Variants in ZNF717 observed in about 807,000 individuals in gnomAD.
ZNF717 encodes the protein krueppel-like factor X17.
In ZNF717, 9 loss-of-function variants were observed where a neutral mutation model predicts 13.8. The observed-to-expected ratio is 0.65, with a 90% CI of 0.39 to 1.14. The LOEUF (loss-of-function observed/expected upper bound fraction) is 1.14, where lower values mean the gene tolerates loss of function less well. ZNF717 is among the 50% of genes most tolerant of loss of function. The pLI, the probability that ZNF717 is intolerant of heterozygous loss-of-function variation, is 0.01. For missense variants in ZNF717, 1,040 were observed against 1,080.7 expected (o/e 0.96, Z 0.53); for synonymous variants, 327 against 364.1 (o/e 0.90, Z 1.16).
At chr3:75,768,304 C>CGGA (rs1943638963) in intron 2 of ZNF717, among the ~76,000 whole-genome samples, 1 of 58,700 alleles carries the variant, frequency 1.7e-5, no homozygotes, top group African/African-American at 5.8e-5. Context: ...CTGAGTGTGT[C>CGGA]GGGGGGCAGA....
chr3:75,776,440 T>C (rs2107690209), intron 2 of ZNF717, among the ~76,000 whole-genome samples: 1 of 152,368 alleles, frequency 6.6e-6, no homozygotes, highest in Middle Eastern at 3.4e-3. Context: ...TAAAAGCTCT[T>C]CCATGCAAGA....
At chr3:75,741,903 C>T in intron 2 of ZNF717, 167 bp from the exon 3 acceptor site, 3 of 818,630 alleles carry the variant, frequency 3.7e-6, no homozygotes, top group Non-Finnish European at 5.7e-6. Context: ...AAAGCATCAG[C>T]CCAAAGATTC....
intron 2 of ZNF717, among the ~76,000 whole-genome samples, chr3:75,745,666 C>T (rs77308221): frequency 6.6e-6 from 1 of 152,022 alleles, no homozygotes; most frequent in Non-Finnish European, 1.5e-5. Context: ...TACTTTGTAA[C>T]TCTATGAGAT....
intron 2 of ZNF717, among the ~76,000 whole-genome samples, chr3:75,777,332 TAAAACCAG>T (rs1262446080): frequency 2.1e-5 from 2 of 95,696 alleles, no homozygotes; most frequent in African/African-American, 4.4e-5. Context: ...AGTGACGTGC[TAAAACCAG>T]AAACCAAAAA....
At chr3:75,774,400 C>A (rs1944144623) in intron 2 of ZNF717, among the ~76,000 whole-genome samples, 1 of 152,012 alleles carries the variant, frequency 6.6e-6, no homozygotes, top group Admixed American at 6.6e-5. Flanking sequence ...CAAATTTCAA[C>A]TTCAAAACTG....
chr3:75,762,208 G>A (rs1416771346), intron 2 of ZNF717, among the ~76,000 whole-genome samples: 1 of 152,194 alleles, frequency 6.6e-6, no homozygotes, highest in East Asian at 1.9e-4. Flanking sequence ...GGAGGCCGAG[G>A]CAGGCAAATC....
At chr3:75,749,029 G>A (rs1026765220) in intron 2 of ZNF717, among the ~76,000 whole-genome samples, 1 of 151,466 alleles carries the variant, frequency 6.6e-6, no homozygotes, top group Admixed American at 6.6e-5. Context: ...CCTCACATAG[G>A]ATTCCAGAAC....
intron 4 of ZNF717, among the ~76,000 whole-genome samples, chr3:75,723,011 T>A (rs939191421): frequency 6.6e-6 from 1 of 152,056 alleles, no homozygotes; most frequent in Non-Finnish European, 1.5e-5. Context: ...CATATTGGCA[T>A]GGCCATTGGG....
chr3:75,733,211 G>A (rs75317857), downstream of ZNF717, among the ~76,000 whole-genome samples: 6 of 152,206 alleles, frequency 3.9e-5, no homozygotes, highest in African/African-American at 1.4e-4. Context: ...CAAGAACTGT[G>A]GGACAGCTAG....
chr3:75,779,184 T>C (rs1260588143), intron 2 of ZNF717, among the ~76,000 whole-genome samples: 4 of 141,894 alleles, frequency 2.8e-5, no homozygotes, highest in Admixed American at 7.0e-5. Context: ...ACAATGGGAG[T>C]GATGTGCTAA....
At chr3:75,784,923 C>T (rs944831795) in intron 1 of ZNF717, 1 of 152,176 alleles carries the variant, frequency 6.6e-6, no homozygotes, top group Non-Finnish European at 1.5e-5. Flanking sequence ...ACCCTTAAGG[C>T]TGAAGACCAT....
intron 6 of ZNF717, among the ~76,000 whole-genome samples, chr3:75,701,811 G>T (rs1341307714): frequency 6.6e-6 from 1 of 152,294 alleles, no homozygotes; most frequent in Non-Finnish European, 1.5e-5. Flanking sequence ...TCTAATTAAA[G>T]AGTGGACAAA....
At chr3:75,751,437 C>G (rs1169999808) in intron 2 of ZNF717, among the ~76,000 whole-genome samples, 1 of 151,242 alleles carries the variant, frequency 6.6e-6, no homozygotes. Context: ...CTCAAGAACA[C>G]TGCTGCTGGG....
In ZNF717 at chr3:75,743,578, C is replaced by G. The variant is rs993428888; in HGVS notation, c.58-1842G>C. ...CAATATTGGCATTTTAACAGCCATC[C>G]CTGAGGAAGAGAATGGGAAAGGGCT... is the stretch of plus-strand genomic sequence containing the variant. On this transcript the variant is annotated intron_variant, in intron 2 of 4. Transcript: ENST00000652011. 9.5e-3 allele frequency among the ~76,000 whole-genome samples: 1,453 copies of G among 152,178 alleles called. 20 individuals carry two copies. Among genetic ancestry groups the G allele is most frequent in the African/African-American group, 0.034 (1,406 of 41,504 alleles).
chr3:75,762,402 C>T (rs1289828166), intron 2 of ZNF717, among the ~76,000 whole-genome samples: 2 of 146,862 alleles, frequency 1.4e-5, no homozygotes, highest in East Asian at 2.0e-4. Flanking sequence ...GACAGTGCCA[C>T]TGCACTCCAG....
intron 4 of ZNF717, among the ~76,000 whole-genome samples, chr3:75,716,779 C>A (rs1938063832): frequency 1.3e-5 from 2 of 152,072 alleles, no homozygotes. Flanking sequence ...GTTAAAGGAC[C>A]ACTGACATGA....
chr3:75,780,455 A>G (rs1270480110), intron 2 of ZNF717, among the ~76,000 whole-genome samples: 1 of 152,164 alleles, frequency 6.6e-6, no homozygotes, highest in Non-Finnish European at 1.5e-5. Context: ...CCCAGAGTGG[A>G]GTGCAGTGGC....
intron 2 of ZNF717, among the ~76,000 whole-genome samples, chr3:75,747,793 A>T (rs1482965153): frequency 1.3e-5 from 2 of 152,310 alleles, no homozygotes; most frequent in African/African-American, 4.8e-5. Flanking sequence ...ATATACAAAC[A>T]TGTCATCTGC....
chr3:75,779,468 A>C (rs535131418), intron 2 of ZNF717, among the ~76,000 whole-genome samples: 1 of 151,174 alleles, frequency 6.6e-6, no homozygotes, highest in South Asian at 2.1e-4. Flanking sequence ...AAAGGGAGTG[A>C]TGTGCTAAAC....
Sources: allele counts gnomAD v4.1 joint callset (sites outside exome capture counted in the v4.1 genomes callset), GRCh38; gene constraint gnomAD v4.1.1; transcripts MANE v1.5; gene names NCBI Gene and HGNC (gene_info 2026-07-23, HGNC 2026-07-21).